The following SETBP1 variants were observed in gnomAD, a reference collection of about 807,000 sequenced individuals.
SETBP1 encodes SET-binding protein.
Under a neutral mutation model 101.0 loss-of-function variants are expected in SETBP1, and 9 were observed. The ratio of observed to expected loss-of-function variants is 0.09; its 90% CI spans 0.05 to 0.16. The LOEUF (loss-of-function observed/expected upper bound fraction) is 0.16. Among genes scored for constraint, SETBP1 ranks in the 10% least tolerant of loss-of-function variants. SETBP1 has a pLI of 1.00. For missense variants in SETBP1, 1,858 were observed against 2,033.8 expected, an observed-to-expected ratio of 0.91 and a Z score of 1.66; for synonymous variants, 818 against 788.5, an observed-to-expected ratio of 1.04 and a Z score of -0.63.
Position 44,951,879 on chromosome 18 carries a change from T to C in SETBP1, c.2539T>C (p.Ser847Pro). The C allele has an allele frequency of 6.2e-7, 1 of 1,613,724 alleles. No individual in the cohort carries two copies. The highest frequency in any genetic ancestry group is 8.5e-7 in the Non-Finnish European group (1 of 1,179,984). The stretch of plus-strand genomic sequence containing the variant: ...CCCTTCACACCTGTGCGAGATTGGC[T>C]CCCTAAAGGAAATCACGCTGTCCCC... ...NSPSHLCEIG[S>P]LKEITLSPVS... Residue 847 changes from serine (S) to proline (P), a missense_variant, in exon 4 of 6, where the codon TCC (serine) becomes CCC (proline). Ser to Pro is a moderately conservative substitution (Grantham distance 74, BLOSUM62 -1). This residue lies in a region of SETBP1 where 121 missense variants were observed against 138.0 expected (regional missense o/e 0.88). Transcript: ENST00000649279. This position sits in a 1 kb window ranked among gnomAD's most constrained non-coding sequence, Gnocchi z 7.8.
chr18:44,929,032 T>C (rs1163839805), intron 3 of SETBP1, among the ~76,000 whole-genome samples: 1 of 152,226 alleles, frequency 6.6e-6, no homozygotes, highest in Non-Finnish European at 1.5e-5. Context: ...TAGTATTGCC[T>C]AGGTTTTCTT....
intron 3 of SETBP1, among the ~76,000 whole-genome samples, chr18:44,935,148 AGAG>A (rs1375666781): frequency 1.3e-5 from 2 of 152,184 alleles, no homozygotes; most frequent in African/African-American, 4.8e-5. Flanking sequence ...CACTTCTTTC[AGAG>A]GGGACTTACA....
At chr18:44,741,298 G>T (rs1452946114) in intron 2 of SETBP1, among the ~76,000 whole-genome samples, 2 of 152,184 alleles carry the variant, frequency 1.3e-5, no homozygotes, top group Non-Finnish European at 2.9e-5. Flanking sequence ...CTGATGGGAG[G>T]ATAAGAGGGA....
At position 44,950,996 on chromosome 18, in the gene SETBP1, T is replaced by C. The variant is rs145656108; in HGVS notation, c.1656T>C (p.Asp552=). ...GAGAGGCAGTTATGGCCACCTCTGA[T>C]AAACTGATGCTGGAGCCCCCGTCTG... ...MLREAVMATS[D]KLMLEPPSAY... is the part of the protein sequence containing the mutation. Residue 552 remains aspartate (D), a synonymous_variant, in exon 4 of 6, where the codon GAT becomes GAC. Transcript: ENST00000649279. 43 of 1,614,094 alleles carry C rather than the reference T, an allele frequency of 2.7e-5. 1 individual carries two copies. In the African/African-American group the frequency reaches 3.5e-4, roughly 13 times the overall value.
intron 3 of SETBP1, among the ~76,000 whole-genome samples, chr18:44,884,225 G>A (rs2144750468): frequency 6.6e-6 from 1 of 152,252 alleles, no homozygotes; most frequent in East Asian, 1.9e-4. Flanking sequence ...TGTTCAAGGT[G>A]GATTACTCCT....
intron 2 of SETBP1, among the ~76,000 whole-genome samples, chr18:44,752,762 A>G (rs1240383467): frequency 6.6e-6 from 1 of 152,222 alleles, no homozygotes; most frequent in Non-Finnish European, 1.5e-5. Flanking sequence ...ATAGAGAGTT[A>G]TCACTGACTG....
chr18:44,820,626 T>A (rs950018216), intron 2 of SETBP1, among the ~76,000 whole-genome samples: 1 of 152,204 alleles, frequency 6.6e-6, no homozygotes, highest in Admixed American at 6.5e-5. Flanking sequence ...ACTAGCTCCC[T>A]CACTTCGTCA....
chr18:44,761,089 G>A lies in SETBP1; in HGVS notation c.486+59257G>A, dbSNP rs777858060. 6.6e-5 allele frequency among the ~76,000 whole-genome samples: 10 copies of A among 152,152 alleles called. No homozygotes were observed. In the South Asian group the frequency reaches 1.0e-3, roughly 16 times the overall value. On this transcript the variant is annotated intron_variant, in intron 2 of 5. Transcript: ENST00000649279. ...TTTAATTCTCACCACAAAATCAGCC[G>A]TGCTACTTTATTTATTTTTAAAGCA...
At chr18:44,999,462 A>G (rs1450902209) in intron 4 of SETBP1, among the ~76,000 whole-genome samples, 1 of 152,222 alleles carries the variant, frequency 6.6e-6, no homozygotes, top group Non-Finnish European at 1.5e-5. Context: ...TGGGAAGGTG[A>G]AAAGTCTGTG....
chr18:44,702,469 A>G (rs959327827), intron 2 of SETBP1, among the ~76,000 whole-genome samples: 1 of 152,238 alleles, frequency 6.6e-6, no homozygotes, highest in Non-Finnish European at 1.5e-5. Context: ...TATCTTCTGC[A>G]TATCTGACAA....
At chr18:44,907,728 C>T (rs2070208079) in intron 3 of SETBP1, among the ~76,000 whole-genome samples, 1 of 152,080 alleles carries the variant, frequency 6.6e-6, no homozygotes, top group Admixed American at 6.6e-5. Context: ...ATAGGGCTTC[C>T]TTATGTGTTC....
chr18:45,061,568 G>C (rs975425693), intron 5 of SETBP1, among the ~76,000 whole-genome samples: 2 of 152,150 alleles, frequency 1.3e-5, no homozygotes, highest in Non-Finnish European at 2.9e-5. Context: ...ATTTTGACCT[G>C]GCCTGTGGGA....
At chr18:44,939,878 C>T (rs563829459) in intron 3 of SETBP1, among the ~76,000 whole-genome samples, 5 of 152,248 alleles carry the variant, frequency 3.3e-5, no homozygotes, top group South Asian at 2.1e-4. Context: ...TTTTGACAAA[C>T]GTATTTTGCA....
At chr18:44,992,485 A>G (rs1434491520) in intron 4 of SETBP1, among the ~76,000 whole-genome samples, 2 of 152,068 alleles carry the variant, frequency 1.3e-5, no homozygotes, top group Non-Finnish European at 2.9e-5. Flanking sequence ...AAAGAAAAAT[A>G]TTAGGGAGAG....
At chr18:44,958,343 G>C (rs59480537) in intron 4 of SETBP1, among the ~76,000 whole-genome samples, 1 of 152,124 alleles carries the variant, frequency 6.6e-6, no homozygotes, top group Non-Finnish European at 1.5e-5. Flanking sequence ...ATTTCACTTA[G>C]CCATTGGATT....
intron 5 of SETBP1, among the ~76,000 whole-genome samples, chr18:45,047,128 A>G (rs918655731): frequency 6.6e-6 from 1 of 152,184 alleles, no homozygotes; most frequent in African/African-American, 2.4e-5. Context: ...AACACGTTTT[A>G]TCTTCTTCCC....
intron 2 of SETBP1, among the ~76,000 whole-genome samples, chr18:44,850,453 C>T (rs1370244535): frequency 6.6e-6 from 1 of 151,654 alleles, no homozygotes; most frequent in Admixed American, 6.6e-5. Flanking sequence ...TCACTACAAC[C>T]TCCGCCTCCC....
intron 3 of SETBP1, among the ~76,000 whole-genome samples, chr18:44,941,302 GT>G (rs1166397882): frequency 5.9e-5 from 9 of 151,870 alleles, no homozygotes; most frequent in African/African-American, 2.2e-4. Context: ...GGCCAGGCTG[GT>G]CTTGAACTCC....
At position 45,063,720 on chromosome 18, in the gene SETBP1, C is replaced by T. The variant is rs1568059692; in HGVS notation, c.*22C>T. 5 of 1,597,026 alleles carry T rather than the reference C, an allele frequency of 3.1e-6. 1 individual carries two copies. The South Asian group carries it at 4.5e-5, about 14-fold the overall frequency. On this transcript the variant is annotated 3_prime_UTR_variant, in exon 6 of 6. Transcript: ENST00000649279. ...CTAGGGCGGGTCTGGGCGTCTGCAC[C>T]TGGGGCCTAGGGAACTGACACGTGG... is the stretch of plus-strand genomic sequence containing the variant.
Sources: gnomAD v4.1 joint callset for allele counts (sites outside exome capture counted in the v4.1 genomes callset) on GRCh38, gnomAD v4.1.1 for gene constraint, gnomAD v4.1.1 regional missense constraint, Gnocchi (gnomAD v3.1) non-coding constraint, MANE v1.5 for transcripts, NCBI Gene and HGNC (gene_info 2026-07-23, HGNC 2026-07-21) for gene names.